Variants in LRP1B observed in about 807,000 individuals in gnomAD.
LRP1B encodes the protein low-density lipoprotein receptor-related protein 1B.
In LRP1B, 217 loss-of-function variants were observed where a neutral mutation model predicts 556.6. That is an observed-to-expected ratio of 0.39 (90% CI 0.35 to 0.44). LRP1B has a LOEUF of 0.44. Ranked by LOEUF, LRP1B falls within the 20% of genes least tolerant of loss-of-function variation. The probability of loss-of-function intolerance (pLI) is 1.00; values close to 1 mark genes in which losing one functional copy is unlikely to be tolerated. For synonymous variants in LRP1B, 2,047 were observed against 1,865.8 expected (o/e 1.10, Z -2.50); for missense variants, 5,053 against 5,620.8 (o/e 0.90, Z 3.23).
At chr2:141,634,971 C>T (rs894398263) in intron 2 of LRP1B, among the ~76,000 whole-genome samples, 15 of 151,336 alleles carry the variant, frequency 9.9e-5, no homozygotes, top group African/African-American at 3.6e-4. Flanking sequence ...TTGAAGGTAT[C>T]CCTAAGGATT....
At chr2:141,945,142 C>T (rs948292297) in intron 1 of LRP1B, among the ~76,000 whole-genome samples, 2 of 151,992 alleles carry the variant, frequency 1.3e-5, no homozygotes, top group Admixed American at 6.6e-5. Flanking sequence ...GTATCTTAGC[C>T]CCATAATATT....
At chr2:141,949,899 T>C (rs1701059991) in intron 1 of LRP1B, among the ~76,000 whole-genome samples, 1 of 152,208 alleles carries the variant, frequency 6.6e-6, no homozygotes, top group South Asian at 2.1e-4. Context: ...TTCAACCCTT[T>C]AAAAGACAAA....
intron 43 of LRP1B, among the ~76,000 whole-genome samples, chr2:140,543,722 A>G (rs988821136): frequency 2.6e-5 from 4 of 152,032 alleles, no homozygotes; most frequent in Non-Finnish European, 4.4e-5. Context: ...ATGGGAAAAG[A>G]GAAGTCAAAC....
At chr2:141,825,975 T>C (rs1187588567) in intron 1 of LRP1B, among the ~76,000 whole-genome samples, 4 of 152,172 alleles carry the variant, frequency 2.6e-5, no homozygotes, top group African/African-American at 9.6e-5. Flanking sequence ...ACAACGCACA[T>C]ATTAATTTTA....
At chr2:140,388,468 G>T (rs1683863844) in intron 66 of LRP1B, among the ~76,000 whole-genome samples, 1 of 151,286 alleles carries the variant, frequency 6.6e-6, no homozygotes, top group Non-Finnish European at 1.5e-5. Context: ...TTAAACATTT[G>T]TATCATAGTT....
intron 3 of LRP1B, among the ~76,000 whole-genome samples, chr2:141,312,976 T>C (rs572806546): frequency 6.6e-6 from 1 of 152,124 alleles, no homozygotes; most frequent in Non-Finnish European, 1.5e-5. Context: ...CCACCACACC[T>C]GGACTGCTAA....
intron 2 of LRP1B, among the ~76,000 whole-genome samples, chr2:141,649,251 A>G (rs1689695601): frequency 6.6e-6 from 1 of 152,122 alleles, no homozygotes; most frequent in African/African-American, 2.4e-5. Flanking sequence ...GGAGGTTGAG[A>G]GTATTCTGAG....
intron 83 of LRP1B, among the ~76,000 whole-genome samples, chr2:140,308,250 A>T (rs1684147690): frequency 6.6e-6 from 1 of 151,768 alleles, no homozygotes; most frequent in Non-Finnish European, 1.5e-5. Flanking sequence ...TTATGGAAAC[A>T]TTATTTATTG....
chr2:141,073,806 T>G (rs1000979449), intron 7 of LRP1B, among the ~76,000 whole-genome samples: 1 of 152,078 alleles, frequency 6.6e-6, no homozygotes, highest in African/African-American at 2.4e-5. Flanking sequence ...GTCCAACTTA[T>G]CACCACATCC....
At chr2:141,608,583 G>A (rs909199699) in intron 2 of LRP1B, among the ~76,000 whole-genome samples, 1 of 152,046 alleles carries the variant, frequency 6.6e-6, no homozygotes, top group African/African-American at 2.4e-5. Flanking sequence ...GCCAAATGTG[G>A]GCAAAATTGT....
chr2:141,427,879 A>G (rs1202145475), intron 3 of LRP1B, among the ~76,000 whole-genome samples: 3 of 152,196 alleles, frequency 2.0e-5, no homozygotes, highest in African/African-American at 7.2e-5. Context: ...ATAGTGCACA[A>G]TAGTGAGTCA....
intron 1 of LRP1B, among the ~76,000 whole-genome samples, chr2:142,012,224 A>C (rs1702979232): frequency 6.6e-6 from 1 of 152,128 alleles, no homozygotes; most frequent in Non-Finnish European, 1.5e-5. Context: ...TTTTTTATAA[A>C]GTTGATATTG....
intron 3 of LRP1B, among the ~76,000 whole-genome samples, chr2:141,387,782 G>A (rs1374615006): frequency 2.0e-5 from 3 of 152,124 alleles, no homozygotes; most frequent in African/African-American, 7.2e-5. Flanking sequence ...AAATATAAAA[G>A]AGGAAGGAAC....
chr2:140,921,573 T>C (rs951010026), intron 21 of LRP1B, among the ~76,000 whole-genome samples: 2 of 152,034 alleles, frequency 1.3e-5, no homozygotes, highest in Non-Finnish European at 2.9e-5. Flanking sequence ...TTTCAATTAA[T>C]ACATGTTCCA....
chr2:141,982,421 T>C (rs897817166), intron 1 of LRP1B, among the ~76,000 whole-genome samples: 3 of 152,204 alleles, frequency 2.0e-5, no homozygotes, highest in Admixed American at 6.5e-5. Context: ...AGAGATTTTT[T>C]CCTGGAGGAG....
Position 141,770,031 on chromosome 2 carries a change from G to A in LRP1B, c.205+40248C>T, listed in dbSNP as rs1202283310. On this transcript the variant is annotated intron_variant, in intron 2 of 90. Coordinates refer to ENST00000389484, the MANE Select transcript of LRP1B (RefSeq NM_018557.3). Reference sequence around the variant, plus strand: ...GAGTTAGTATGACCTATTAAAGGACGGCATGAGAGCGGGGACAAAAAGGAA... The same window carrying A: ...GAGTTAGTATGACCTATTAAAGGACAGCATGAGAGCGGGGACAAAAAGGAA... Among the ~76,000 whole-genome samples the A allele has an allele frequency of 5.9e-5, 9 of 152,244 alleles. No individual in the cohort carries two copies. The East Asian group carries it at 1.2e-3, about 20-fold the overall frequency.
intron 42 of LRP1B, among the ~76,000 whole-genome samples, chr2:140,599,143 AGTG>A (rs1242708341): frequency 3.3e-5 from 5 of 152,140 alleles, no homozygotes; most frequent in African/African-American, 1.2e-4. Flanking sequence ...AGAACAAAAC[AGTG>A]ATCTTAAGTT....
At chr2:140,813,887 G>GA (rs60071104) in intron 31 of LRP1B, 81 bp from the exon 32 acceptor site, 443,353 of 897,974 alleles carry the variant, frequency 0.49, 115,360 homozygotes, top group East Asian at 0.62. Context: ...GATTTGAGGG[G>GA]AAAAAAATAA....
chr2:140,428,522 C>T (rs1216170109), intron 66 of LRP1B, among the ~76,000 whole-genome samples: 3 of 152,184 alleles, frequency 2.0e-5, no homozygotes, highest in Non-Finnish European at 4.4e-5. Context: ...GACTGTTCAA[C>T]TCACCTGGCA....
Sources: allele counts gnomAD v4.1 joint callset (sites outside exome capture counted in the v4.1 genomes callset), GRCh38; gene constraint gnomAD v4.1.1; transcripts MANE v1.5; gene names NCBI Gene and HGNC (gene_info 2026-07-23, HGNC 2026-07-21).